LYG1: variants seen among roughly 807,000 people sequenced by gnomAD.
LYG1 encodes lysozyme g1, also known as lysozyme g-like protein 1.
A neutral mutation model predicts 21.7 loss-of-function variants in LYG1; 17 were observed. That is an observed-to-expected ratio of 0.78 (90% CI 0.54 to 1.18). The LOEUF (loss-of-function observed/expected upper bound fraction) is 1.18. LYG1 is among the 50% of genes most tolerant of loss of function. The pLI is 0.00. For synonymous variants in LYG1, 81 were observed against 87.4 expected, an observed-to-expected ratio of 0.93 and a Z score of 0.41; for missense variants, 211 against 238.1, an observed-to-expected ratio of 0.89 and a Z score of 0.75.
intron 1 of LYG1, among the ~76,000 whole-genome samples, chr2:99,299,231 G>C (rs1431722956): frequency 2.7e-5 from 4 of 149,142 alleles, no homozygotes; most frequent in African/African-American, 9.9e-5. Context: ...CCAGCCCCTG[G>C]GTTTTTTTCT....
chr2:99,292,484 G>A (rs1248208860), intron 4 of LYG1, 52 bp downstream of exon 4: 1 of 1,356,618 alleles, frequency 7.4e-7, no homozygotes, highest in Non-Finnish European at 1.1e-6. Flanking sequence ...GTGAGGCATG[G>A]GAAACAGTGA....
chr2:99,292,688 C>T, intron 3 of LYG1, 48 bp from the exon 4 acceptor site: 2 of 1,168,356 alleles, frequency 1.7e-6, no homozygotes, highest in South Asian at 1.2e-5. Context: ...TAGTTCTCAT[C>T]ATTCTTCTGT....
chr2:99,303,064 T>C (rs186464414), upstream of LYG1, among the ~76,000 whole-genome samples: 887 of 150,910 alleles, frequency 5.9e-3, 7 homozygotes, highest in Non-Finnish European at 0.011. Context: ...GTGACTGAGA[T>C]GGTGAGACCA....
chr2:99,294,017 G>A (rs1458414950), intron 3 of LYG1, among the ~76,000 whole-genome samples: 1 of 152,110 alleles, frequency 6.6e-6, no homozygotes, highest in Non-Finnish European at 1.5e-5. Context: ...AACCTCCCAG[G>A]TTCAAGCTAT....
chr2:99,299,844 C>T (rs1304194681), intron 1 of LYG1, among the ~76,000 whole-genome samples: 1 of 150,402 alleles, frequency 6.6e-6, no homozygotes, highest in Admixed American at 6.7e-5. Flanking sequence ...TTCTTAAAGG[C>T]CTTACCAGTA....
chr2:99,285,239 G>A (rs1327165312), intron 5 of LYG1, among the ~76,000 whole-genome samples: 1 of 152,120 alleles, frequency 6.6e-6, no homozygotes, highest in African/African-American at 2.4e-5. Context: ...GTGTGTGCCT[G>A]TAATCCCAGC....
At chr2:99,288,438 A>C (rs1204368793) in intron 5 of LYG1, among the ~76,000 whole-genome samples, 1 of 152,142 alleles carries the variant, frequency 6.6e-6, no homozygotes, top group African/African-American at 2.4e-5. Flanking sequence ...TGTGTCTTTA[A>C]ACCAGTAGGT....
At chr2:99,284,562 C>T in intron 6 of LYG1, 51 bp from the exon 7 acceptor site, 1 of 1,598,180 alleles carries the variant, frequency 6.3e-7, no homozygotes, top group South Asian at 1.1e-5. Flanking sequence ...CAGCAGTTAA[C>T]TCTGATTCTC....
upstream of LYG1, among the ~76,000 whole-genome samples, chr2:99,301,981 T>C (rs13019192): frequency 1.6e-4 from 24 of 151,942 alleles, no homozygotes; most frequent in Non-Finnish European, 2.2e-4. Context: ...GTGCATTTCA[T>C]GACTGAAAGA....
chr2:99,303,762 T>C (rs1199936566), upstream of LYG1, among the ~76,000 whole-genome samples: 1 of 152,212 alleles, frequency 6.6e-6, no homozygotes, highest in African/African-American at 2.4e-5. Context: ...GTAGCTTCCA[T>C]AATTCCCTTG....
intron 2 of LYG1, among the ~76,000 whole-genome samples, chr2:99,296,062 T>C (rs984063159): frequency 6.6e-6 from 1 of 151,874 alleles, no homozygotes; most frequent in African/African-American, 2.4e-5. Context: ...CCATACCTCA[T>C]CCCAAGAGCC....
At chr2:99,290,643 C>T (rs1301707390) in intron 5 of LYG1, among the ~76,000 whole-genome samples, 3 of 152,136 alleles carry the variant, frequency 2.0e-5, no homozygotes, top group Non-Finnish European at 2.9e-5. Context: ...GATTCCCTGG[C>T]GCAGAGTTAA....
chr2:99,288,497 T>G (rs1438938553), intron 5 of LYG1, among the ~76,000 whole-genome samples: 1 of 152,184 alleles, frequency 6.6e-6, no homozygotes. Context: ...TAGTTGCTAC[T>G]ATCATCTTAA....
chr2:99,285,107 A>T (rs2094094941), intron 5 of LYG1, among the ~76,000 whole-genome samples: 1 of 152,216 alleles, frequency 6.6e-6, no homozygotes, highest in African/African-American at 2.4e-5. Context: ...TATGCCTGTG[A>T]TCCCAGCACT....
At position 99,284,731 on chromosome 2, in the gene LYG1, G is replaced by C; in HGVS notation, c.423C>G (p.Ile141Met). The change falls in exon 6 of 7, where the codon ATC (isoleucine) becomes ATG (methionine). Residue 141 changes from isoleucine to methionine, a missense_variant. By Grantham distance (10) the Ile-to-Met change is conservative. Coordinates refer to ENST00000308528, the MANE Select transcript of LYG1 (RefSeq NM_174898.3). Reference protein sequence around the residue: ...TEVLTTRIKEIQRRFPTWTPD... With the variant: ...TEVLTTRIKEMQRRFPTWTPD... ...GGGTCCAGGTTGGAAACCTCCTCTGGATTTCTTTGATTCTAGTAGTCAGAA... is the reference window on the plus strand; with the variant it reads ...GGGTCCAGGTTGGAAACCTCCTCTGCATTTCTTTGATTCTAGTAGTCAGAA... 1.9e-6 allele frequency: 3 copies of C among 1,614,130 alleles called. No homozygotes were observed. The highest frequency in any genetic ancestry group is 2.5e-6 in the Non-Finnish European group (3 of 1,180,020).
intron 4 of LYG1, among the ~76,000 whole-genome samples, chr2:99,292,004 C>T (rs1323343840): frequency 3.9e-5 from 6 of 151,970 alleles, no homozygotes; most frequent in Non-Finnish European, 8.8e-5. Context: ...AAAGCACCCT[C>T]GGCCGGGCGC....
At chr2:99,290,437 A>G (rs915959292) in intron 5 of LYG1, among the ~76,000 whole-genome samples, 1 of 152,220 alleles carries the variant, frequency 6.6e-6, no homozygotes, top group Non-Finnish European at 1.5e-5. Context: ...GAAGTAAAAT[A>G]AAGTATTTGA....
chr2:99,301,499 A>G (rs2094154066), upstream of LYG1, among the ~76,000 whole-genome samples: 2 of 96,282 alleles, frequency 2.1e-5, no homozygotes, highest in Non-Finnish European at 2.2e-5. Context: ...AAAAGGAAGA[A>G]GGAAGGAAGG....
chr2:99,290,508 GAAAT>G (rs1475166112), intron 5 of LYG1, among the ~76,000 whole-genome samples: 3 of 152,056 alleles, frequency 2.0e-5, no homozygotes, highest in African/African-American at 7.2e-5. Context: ...AGATCATTGA[GAAAT>G]AAATTTTTCT....
Sources: allele counts gnomAD v4.1 joint callset (sites outside exome capture counted in the v4.1 genomes callset), GRCh38; gene constraint gnomAD v4.1.1; transcripts MANE v1.5; gene names NCBI Gene and HGNC (gene_info 2026-07-23, HGNC 2026-07-21).